Variants in RASGEF1C observed in about 807,000 individuals in gnomAD.
RASGEF1C encodes the protein RasGEF domain family member 1C, also known as ras-GEF domain-containing family member 1C.
Under a neutral mutation model 58.1 loss-of-function variants are expected in RASGEF1C, and 27 were observed. That is an observed-to-expected ratio of 0.46 (90% CI 0.34 to 0.64). The LOEUF is 0.64. Ranked by LOEUF, RASGEF1C falls within the 30% of genes least tolerant of loss-of-function variation. The pLI is 0.01. For missense variants in RASGEF1C, 502 were observed against 605.1 expected (o/e 0.83, Z 1.79); for synonymous variants, 243 against 246.3 (o/e 0.99, Z 0.13).
chr5:180,157,677 G>A (rs1766874046), intron 1 of RASGEF1C, among the ~76,000 whole-genome samples: 1 of 150,746 alleles, frequency 6.6e-6, no homozygotes, highest in African/African-American at 2.4e-5. Flanking sequence ...AAAAGACGTG[G>A]AGAAAATGTA....
chr5:180,180,623 G>A (rs1016915279), intron 1 of RASGEF1C, among the ~76,000 whole-genome samples: 1 of 152,200 alleles, frequency 6.6e-6, no homozygotes, highest in African/African-American at 2.4e-5. Context: ...GAGCACCCCA[G>A]GACCTGGCTC....
At chr5:180,207,579 G>A (rs534818907) in intron 1 of RASGEF1C, among the ~76,000 whole-genome samples, 2 of 152,096 alleles carry the variant, frequency 1.3e-5, no homozygotes, top group African/African-American at 4.8e-5. Flanking sequence ...GGTGGCCTGC[G>A]GGCTCCCCCT....
intron 6 of RASGEF1C, among the ~76,000 whole-genome samples, chr5:180,123,650 C>G (rs1233162874): frequency 1.3e-5 from 2 of 151,112 alleles, no homozygotes; most frequent in Non-Finnish European, 3.0e-5. Context: ...ACATAAGAAA[C>G]TAGAAAAAGA....
chr5:180,157,789 C>G (rs77195740), intron 1 of RASGEF1C, among the ~76,000 whole-genome samples: 178 of 152,152 alleles, frequency 1.2e-3, no homozygotes, highest in African/African-American at 4.3e-3. Flanking sequence ...GTAGAAAGAC[C>G]AATGGTTTCC....
intron 1 of RASGEF1C, among the ~76,000 whole-genome samples, chr5:180,196,311 C>T (rs1756276176): frequency 6.6e-6 from 1 of 151,960 alleles, no homozygotes; most frequent in Non-Finnish European, 1.5e-5. Flanking sequence ...ACCAGCCTGG[C>T]CAACATGGTG....
intron 1 of RASGEF1C, among the ~76,000 whole-genome samples, chr5:180,149,085 T>A (rs567914763): frequency 1.0e-5 from 1 of 97,174 alleles, no homozygotes; most frequent in Admixed American, 1.5e-4. Context: ...TTTCTTTTTT[T>A]TTCTTTTTTT....
At chr5:180,111,680 G>T (rs1364806497) in intron 11 of RASGEF1C, 100 bp from the exon 12 acceptor site, 13 of 1,343,474 alleles carry the variant, frequency 9.7e-6, no homozygotes, top group Non-Finnish European at 1.4e-5. Flanking sequence ...TCAACACCCA[G>T]TGGCTTTAGG....
At position 180,198,671 on chromosome 5, in the gene RASGEF1C, A is replaced by G. The variant is rs942679924; in HGVS notation, c.-7+10357T>C. Among the ~76,000 whole-genome samples, 23 of 152,184 alleles carry G rather than the reference A, an allele frequency of 1.5e-4. No homozygotes were observed. The highest frequency in any genetic ancestry group is 5.6e-4 in the African/African-American group (23 of 41,440). ...CCCATGAAAGGCTCCACCTCTCAAT[A>G]CAATCACACTGGCAATTACGTTTCA... On this transcript the variant is annotated intron_variant, in intron 1 of 13. Transcript: ENST00000361132. This position sits in a 1 kb window ranked among gnomAD's most constrained non-coding sequence, Gnocchi z 4.5.
intron 1 of RASGEF1C, among the ~76,000 whole-genome samples, chr5:180,138,557 A>AT (rs1766526637): frequency 6.6e-6 from 1 of 152,092 alleles, no homozygotes; most frequent in African/African-American, 2.4e-5. Context: ...TACTGGGGCC[A>AT]TTGTGGCAGG....
intron 1 of RASGEF1C, among the ~76,000 whole-genome samples, chr5:180,151,264 A>G (rs928880204): frequency 1.4e-4 from 22 of 152,242 alleles, no homozygotes; most frequent in African/African-American, 4.1e-4. Context: ...TGCCAAGTCA[A>G]TGCTAAGCCA....
chr5:180,113,777 G>GAACC (rs1766015283), intron 11 of RASGEF1C, among the ~76,000 whole-genome samples: 3 of 151,830 alleles, frequency 2.0e-5, no homozygotes. Context: ...ATGGACGGAG[G>GAACC]GATTGGGGAT....
chr5:180,136,338 G>C, intron 4 of RASGEF1C, 40 bp downstream of exon 4: 1 of 1,534,898 alleles, frequency 6.5e-7, no homozygotes, highest in Non-Finnish European at 8.8e-7. Context: ...CCTGGGACGG[G>C]AGGGACCCAG....
rs1201199874 is a variant in RASGEF1C, at chr5:180,168,405, C to T, written c.-6-30347G>A. Among the ~76,000 whole-genome samples, 2 of 152,180 alleles carry T rather than the reference C, an allele frequency of 1.3e-5. No homozygotes were observed. Among genetic ancestry groups the T allele is most frequent in the Non-Finnish European group, 2.9e-5 (2 of 68,040 alleles). On this transcript the variant is annotated intron_variant, in intron 1 of 13. Coordinates refer to ENST00000361132, the MANE Select transcript of RASGEF1C (RefSeq NM_175062.4). The surrounding 1 kb of genome is among the most constrained non-coding windows in gnomAD (Gnocchi z 6.0). ...CCGAGATGGCGCCACTGCACTCCAGCCTGGGCAACAAGAGCGAAACTCCAT... is the reference window on the plus strand; with the variant it reads ...CCGAGATGGCGCCACTGCACTCCAGTCTGGGCAACAAGAGCGAAACTCCAT...
intron 4 of RASGEF1C, among the ~76,000 whole-genome samples, chr5:180,131,040 A>C (rs1430849722): frequency 6.6e-6 from 1 of 151,250 alleles, no homozygotes; most frequent in African/African-American, 2.4e-5. Context: ...ATTTTCTTCT[A>C]TTTCTGCGCA....
chr5:180,203,291 T>C (rs1196455943), intron 1 of RASGEF1C, among the ~76,000 whole-genome samples: 1 of 152,226 alleles, frequency 6.6e-6, no homozygotes, highest in African/African-American at 2.4e-5. Context: ...TATACTATGT[T>C]ATGTTTTGTT....
At chr5:180,188,787 G>A (rs559670908) in intron 1 of RASGEF1C, among the ~76,000 whole-genome samples, 38 of 152,276 alleles carry the variant, frequency 2.5e-4, no homozygotes, top group African/African-American at 8.7e-4. Context: ...CCCAGGTACT[G>A]AGCATAGTAC....
chr5:180,174,574 CTGTG>C (rs374209710), intron 1 of RASGEF1C, among the ~76,000 whole-genome samples: 74 of 145,922 alleles, frequency 5.1e-4, no homozygotes, highest in Non-Finnish European at 1.0e-3. Context: ...GCACGTGTGT[CTGTG>C]TGTGCGCACG....
intron 1 of RASGEF1C, among the ~76,000 whole-genome samples, chr5:180,170,149 G>A (rs1360050937): frequency 6.6e-6 from 1 of 152,228 alleles, no homozygotes; most frequent in Non-Finnish European, 1.5e-5. Flanking sequence ...GCAGGTTTCA[G>A]CAAAAGCCTC....
chr5:180,128,371 C>A (rs763509578), intron 5 of RASGEF1C, 39 bp downstream of exon 5: 1 of 1,573,144 alleles, frequency 6.4e-7, no homozygotes, highest in Non-Finnish European at 8.7e-7. Flanking sequence ...GTGTGTCCTG[C>A]TGAATCCCGG....
Sources: allele counts gnomAD v4.1 joint callset (sites outside exome capture counted in the v4.1 genomes callset), GRCh38; gene constraint gnomAD v4.1.1; non-coding constraint Gnocchi (gnomAD v3.1); transcripts MANE v1.5; gene names NCBI Gene and HGNC (gene_info 2026-07-23, HGNC 2026-07-21).